OLFM1: variants seen among roughly 807,000 people sequenced by gnomAD.
OLFM1 encodes olfactomedin 1.
A neutral mutation model predicts 49.7 loss-of-function variants in OLFM1; 9 were observed. The observed-to-expected ratio is 0.18, with a 90% CI of 0.11 to 0.32. The LOEUF is 0.32. OLFM1 is among the 10% of genes least tolerant of loss of function. OLFM1 has a pLI of 1.00. For missense variants in OLFM1, 369 were observed against 661.8 expected (o/e 0.56, Z 4.85); for synonymous variants, 240 against 271.8 (o/e 0.88, Z 1.15).
Position 135,098,570 on chromosome 9 carries a change from G to C in OLFM1, c.676+65G>C. The C allele has an allele frequency of 1.4e-6, 2 of 1,464,900 alleles. No homozygotes were observed. Among genetic ancestry groups the C allele is most frequent in the Non-Finnish European group, 9.5e-7 (1 of 1,050,660 alleles). The allele number at this position is 1,464,900 out of a possible 1,614,324, so 90.7% of individuals were successfully genotyped here. On this transcript the variant is annotated intron_variant, in intron 4 of 5. Transcript: ENST00000371793. This position sits in a 1 kb window ranked among gnomAD's most constrained non-coding sequence, Gnocchi z 5.6. ...CACCTCCGGCACACGCACAGGCTTA[G>C]GGAGTGGTGCTGAAGTGGACAGCGC...
At chr9:135,110,973 G>C (rs1462502811) in intron 5 of OLFM1, among the ~76,000 whole-genome samples, 3 of 152,252 alleles carry the variant, frequency 2.0e-5, no homozygotes, top group African/African-American at 7.2e-5. Flanking sequence ...AGGCATTTGG[G>C]ACGGCAGTGC....
rs1830834506 is a variant in OLFM1 at position 135,098,882 on chromosome 9, G to A, written c.676+377G>A. Among the ~76,000 whole-genome samples, 2 of 152,244 alleles carry A rather than the reference G, an allele frequency of 1.3e-5. No individual in the cohort carries two copies. Among genetic ancestry groups the A allele is most frequent in the South Asian group, 2.1e-4 (1 of 4,830 alleles). On this transcript the variant is annotated intron_variant, in intron 4 of 5. Coordinates refer to ENST00000371793, the MANE Select transcript of OLFM1 (RefSeq NM_001282611.2). This position sits in a 1 kb window ranked among gnomAD's most constrained non-coding sequence, Gnocchi z 5.6. Reference sequence around the variant, plus strand: ...TTCCTCCGGATTGAGAACGGGGGCTGGTGGAGCTCCTGAAATATTGAATCA... The same window carrying A: ...TTCCTCCGGATTGAGAACGGGGGCTAGTGGAGCTCCTGAAATATTGAATCA...
intron 3 of OLFM1, chr9:135,097,739 G>C (rs1421592230): frequency 1.3e-6 from 2 of 1,520,496 alleles, no homozygotes; most frequent in East Asian, 2.3e-5. Flanking sequence ...AGGCAGGCTA[G>C]TGAGCTAGTT....
intron 4 of OLFM1, among the ~76,000 whole-genome samples, chr9:135,100,520 G>C (rs1830856451): frequency 6.6e-6 from 1 of 152,156 alleles, no homozygotes; most frequent in South Asian, 2.1e-4. Context: ...TCTTTCTTTG[G>C]AAGGGCTGCG....
Position 135,120,513 on chromosome 9 carries a change from T to C in OLFM1, c.*335T>C. The C allele has an allele frequency of 6.4e-6, 2 of 313,784 alleles. No individual in the cohort carries two copies. Among genetic ancestry groups the C allele is most frequent in the Non-Finnish European group, 1.2e-5 (2 of 169,600 alleles). The allele number at this position is 313,784 out of a possible 1,614,324, so 19.4% of individuals were successfully genotyped here. A position where few individuals can be genotyped will look rare whatever the true frequency, so the allele number is the denominator to read the frequency against. ...GTTCTCACCGGGGAAAAACCCACTGTTAGGATGGCATGAACATTTCCTTAG... is the reference window on the plus strand; with the variant it reads ...GTTCTCACCGGGGAAAAACCCACTGCTAGGATGGCATGAACATTTCCTTAG... On this transcript the variant is annotated 3_prime_UTR_variant, in exon 6 of 6. Coordinates refer to ENST00000371793, the MANE Select transcript of OLFM1 (RefSeq NM_001282611.2).
intron 3 of OLFM1, chr9:135,097,879 C>A (rs1830821429): frequency 8.2e-6 from 13 of 1,587,752 alleles, no homozygotes; most frequent in Non-Finnish European, 1.1e-5. Context: ...TTGCACCATG[C>A]ATTTTTACTA....
chr9:135,091,500 TTCACA>T (rs1830686527), intron 2 of OLFM1, among the ~76,000 whole-genome samples: 1 of 75,108 alleles, frequency 1.3e-5, no homozygotes, highest in African/African-American at 5.8e-5. Flanking sequence ...CACACACACA[TTCACA>T]CAGTCTCACA....
At chr9:135,118,549 T>A (rs1265359394) in intron 5 of OLFM1, among the ~76,000 whole-genome samples, 2 of 141,138 alleles carry the variant, frequency 1.4e-5, no homozygotes. Flanking sequence ...GAATGCTCGC[T>A]GGATCTTTGG....
At chr9:135,085,567 G>A (rs927462247), upstream of OLFM1, among the ~76,000 whole-genome samples, 20 of 152,370 alleles carry the variant, frequency 1.3e-4, no homozygotes, top group African/African-American at 3.1e-4. Context: ...CACCAGGGGC[G>A]CAGCACCTGC....
At chr9:135,078,209 A>C (rs111496919) in intron 1 of OLFM1, among the ~76,000 whole-genome samples, 2,916 of 152,264 alleles carry the variant, frequency 0.019, 91 homozygotes, top group African/African-American at 0.067. Flanking sequence ...AGGGTGCTGG[A>C]GCTGCCTGGT....
intron 5 of OLFM1, among the ~76,000 whole-genome samples, chr9:135,112,210 C>CT (rs5901059): frequency 0.21 from 32,211 of 151,980 alleles, 3,497 homozygotes; most frequent in Middle Eastern, 0.29. Flanking sequence ...GGCCGCTGAT[C>CT]GCCAAAAGGG....
chr9:135,084,502 CTCTCCTCTCTCTCTG>C (rs1812453420), upstream of OLFM1, among the ~76,000 whole-genome samples: 1 of 57,264 alleles, frequency 1.7e-5, no homozygotes, highest in South Asian at 5.7e-4. The surrounding 1 kb of genome is among the most constrained non-coding windows in gnomAD (Gnocchi z 4.6). Flanking sequence ...CCTCTCTTCT[CTCTCCTCTCTCTCTG>C]TCTCTCTCTC....
upstream of OLFM1, chr9:135,087,132 C>A: frequency 9.3e-7 from 1 of 1,075,316 alleles, no homozygotes; most frequent in South Asian, 1.8e-5. Flanking sequence ...ATCGCAGGGG[C>A]GCCTTTAGCT....
At chr9:135,111,782 T>C (rs1261650095) in intron 5 of OLFM1, among the ~76,000 whole-genome samples, 2 of 152,192 alleles carry the variant, frequency 1.3e-5, no homozygotes, top group East Asian at 3.9e-4. Context: ...CAATCTCAGC[T>C]CACTGCAACC....
chr9:135,088,170 GCTC>G lies in OLFM1; in HGVS notation c.150+51_150+53del, dbSNP rs760836918. On this transcript the variant is annotated intron_variant, in intron 1 of 5. Coordinates refer to ENST00000371793, the MANE Select transcript of OLFM1 (RefSeq NM_001282611.2). This position sits in a 1 kb window ranked among gnomAD's most constrained non-coding sequence, Gnocchi z 4.8. The stretch of plus-strand genomic sequence containing the variant: ...TGCGCCCGCCGGCCGCCTTGGCGCG[GCTC>G]CTCCTCCTCCTCCTCCTCCCCCTCC... 1.5e-3 allele frequency: 1,912 copies of G among 1,287,466 alleles called. No homozygotes were observed. Among genetic ancestry groups the G allele is most frequent in the Middle Eastern group, 2.3e-3 (9 of 3,954 alleles). The allele number at this position is 1,287,466 out of a possible 1,614,324, so 79.8% of individuals were successfully genotyped here. A position where few individuals can be genotyped will look rare whatever the true frequency, so the allele number is the denominator to read the frequency against.
At chr9:135,101,133 G>A (rs990934700) in intron 4 of OLFM1, among the ~76,000 whole-genome samples, 2 of 152,202 alleles carry the variant, frequency 1.3e-5, no homozygotes, top group African/African-American at 4.8e-5. Flanking sequence ...CCCTTGCTGG[G>A]AGGTTGCTGA....
In OLFM1 at chr9:135,121,090, A is replaced by G. The variant is rs961853400; in HGVS notation, c.*912A>G. On this transcript the variant is annotated 3_prime_UTR_variant, in exon 6 of 6. Coordinates refer to ENST00000371793, the MANE Select transcript of OLFM1 (RefSeq NM_001282611.2). Reference sequence around the variant, plus strand: ...GGGACAGGAAAGTCATACGGGCAACAGTATGCGGAAAGTACGTTTTTTAAG... The same window carrying G: ...GGGACAGGAAAGTCATACGGGCAACGGTATGCGGAAAGTACGTTTTTTAAG... 5 of 152,350 alleles carry G rather than the reference A, an allele frequency of 3.3e-5. No individual in the cohort carries two copies. Among genetic ancestry groups the G allele is most frequent in the Admixed American group, 6.5e-5 (1 of 15,288 alleles). 9.4% of individuals were successfully genotyped at this position (152,350 alleles called of 1,614,324 possible).
exon 1 of OLFM1, chr9:135,075,608 CGAGCCAGGCGCCGCCGCCG>C (rs1830452659): frequency 9.1e-6 from 7 of 766,070 alleles, no homozygotes; most frequent in Non-Finnish European, 1.3e-5. Flanking sequence ...CGTGGGGACA[CGAGCCAGGCGCCGCCGCCG>C]GAGCCAGCGG....
Position 135,087,723 on chromosome 9 carries a change from G to T in OLFM1, c.-267G>T, listed in dbSNP as rs988613337. 2 of 389,688 alleles carry T rather than the reference G, an allele frequency of 5.1e-6. No homozygotes were observed. Among genetic ancestry groups the T allele is most frequent in the Non-Finnish European group, 7.0e-6 (2 of 284,834 alleles). The allele number at this position is 389,688 out of a possible 1,614,324, so 24.1% of individuals were successfully genotyped here. A position where few individuals can be genotyped will look rare whatever the true frequency, so the allele number is the denominator to read the frequency against. Reference sequence around the variant, plus strand: ...GAGGAGCCCGGAGGGACGCAGCCGGGCAAGGCAGGGCGCAGGGCGGGCGGC... The same window carrying T: ...GAGGAGCCCGGAGGGACGCAGCCGGTCAAGGCAGGGCGCAGGGCGGGCGGC... On this transcript the variant is annotated 5_prime_UTR_variant, in exon 1 of 6. Coordinates refer to ENST00000371793, the MANE Select transcript of OLFM1 (RefSeq NM_001282611.2).
Sources: gnomAD v4.1 joint callset for allele counts (sites outside exome capture counted in the v4.1 genomes callset) on GRCh38, gnomAD v4.1.1 for gene constraint, Gnocchi (gnomAD v3.1) non-coding constraint, MANE v1.5 for transcripts, NCBI Gene and HGNC (gene_info 2026-07-23, HGNC 2026-07-21) for gene names.